The following NFATC1 variants were observed in gnomAD, a reference collection of about 807,000 sequenced individuals.
NFATC1 encodes the protein nuclear factor of activated T cells 1, also known as nuclear factor of activated T-cells, cytoplasmic 1.
Under a neutral mutation model 76.0 loss-of-function variants are expected in NFATC1, and 22 were observed. The observed-to-expected ratio is 0.29, with a 90% confidence interval of 0.21 to 0.41. The LOEUF (loss-of-function observed/expected upper bound fraction) is 0.41. Ranked by LOEUF, NFATC1 falls within the 10% of genes least tolerant of loss-of-function variation. NFATC1 has a pLI of 1.00. For missense variants in NFATC1, 1,357 were observed against 1,337.7 expected (o/e 1.01, Z -0.23); for synonymous variants, 704 against 613.1 (o/e 1.15, Z -2.19).
At chr18:79,523,227 C>T (rs921555715) in intron 9 of NFATC1, among the ~76,000 whole-genome samples, 1 of 152,228 alleles carries the variant, frequency 6.6e-6, no homozygotes, top group African/African-American at 2.4e-5. Context: ...AGAAACCGGG[C>T]ATTCAGAAAT....
At chr18:79,493,736 C>G (rs2089772353) in intron 9 of NFATC1, 1 of 152,260 alleles carries the variant, frequency 6.6e-6, no homozygotes, top group Admixed American at 6.5e-5. Context: ...AGCCTGTGTG[C>G]CGCCATCCAA....
At position 79,529,239 on chromosome 18, in the gene NFATC1, C is replaced by CATTGA. The variant is rs2090842757; in HGVS notation, c.*1664_*1668dup. 1 of 152,218 alleles carries CATTGA rather than the reference C, an allele frequency of 6.6e-6. No homozygotes were observed. The highest frequency in any genetic ancestry group is 2.1e-4 in the South Asian group (1 of 4,828). 9.4% of individuals were successfully genotyped at this position (152,218 alleles called of 1,614,324 possible). ...CGTGCAGCCTTTCTCAGGGGACTGT[C>CATTGA]ATTGAAAAGGAAACGTTTGATGTCT... On this transcript the variant is annotated 3_prime_UTR_variant, in exon 10 of 10. Coordinates refer to ENST00000427363, the MANE Select transcript of NFATC1 (RefSeq NM_001278669.2).
chr18:79,431,964 G>T (rs1443079297), intron 2 of NFATC1, among the ~76,000 whole-genome samples: 1 of 152,240 alleles, frequency 6.6e-6, no homozygotes, highest in African/African-American at 2.4e-5. Flanking sequence ...GCCTCCCCGA[G>T]TGCTGGGGTT....
chr18:79,509,623 A>T (rs1441362748), intron 9 of NFATC1, among the ~76,000 whole-genome samples: 2 of 152,252 alleles, frequency 1.3e-5, no homozygotes, highest in African/African-American at 4.8e-5. Flanking sequence ...AGTTTTGACC[A>T]CTTTGATTAG....
intron 3 of NFATC1, 169 bp from the exon 4 acceptor site, chr18:79,448,613 T>A: frequency 1.5e-6 from 1 of 680,962 alleles, no homozygotes; most frequent in Non-Finnish European, 2.5e-6. Flanking sequence ...AACAAGGCAT[T>A]TTCTAATCTG....
At chr18:79,469,738 G>A (rs78536295) in intron 8 of NFATC1, 147,483 of 985,584 alleles carry the variant, frequency 0.15, 12,079 homozygotes, top group Non-Finnish European at 0.16. Flanking sequence ...CTTTGCCTCC[G>A]TCGTCTCTTC....
At chr18:79,449,102 CTT>C (rs1266866480) in intron 4 of NFATC1, 118 bp downstream of exon 4, 17 of 983,722 alleles carry the variant, frequency 1.7e-5, no homozygotes, top group Non-Finnish European at 1.8e-5. Context: ...GGCCAGGACA[CTT>C]TTGGTTTAAC....
intron 3 of NFATC1, among the ~76,000 whole-genome samples, chr18:79,437,469 G>A (rs1012268524): frequency 4.8e-5 from 7 of 144,484 alleles, no homozygotes; most frequent in African/African-American, 1.3e-4. Context: ...TTCTCGGTGG[G>A]CCGGTCTGGA....
chr18:79,401,267 C>T (rs893720573), intron 1 of NFATC1, among the ~76,000 whole-genome samples: 1 of 151,920 alleles, frequency 6.6e-6, no homozygotes, highest in Non-Finnish European at 1.5e-5. Flanking sequence ...CCTCCCCGCG[C>T]GGAGGTGAAG....
At chr18:79,460,000 A>C (rs1369304850) in intron 6 of NFATC1, among the ~76,000 whole-genome samples, 1 of 152,136 alleles carries the variant, frequency 6.6e-6, no homozygotes, top group Admixed American at 6.5e-5. Flanking sequence ...AGCGCAACTG[A>C]GTGTACTTTT....
intron 1 of NFATC1, among the ~76,000 whole-genome samples, chr18:79,403,183 A>C (rs1359717553): frequency 6.6e-6 from 1 of 152,194 alleles, no homozygotes; most frequent in African/African-American, 2.4e-5. Context: ...CACCCCTTCC[A>C]TCTCGCTGGA....
At position 79,409,903 on chromosome 18, in the gene NFATC1, G is replaced by A. The variant is rs557694425; in HGVS notation, c.128-500G>A. Among the ~76,000 whole-genome samples, 14 of 152,350 alleles carry A rather than the reference G, an allele frequency of 9.2e-5. No individual in the cohort carries two copies. The South Asian group carries it at 1.2e-3, about 14-fold the overall frequency. ...AAAACAGGCTGTTAGATTGTGATACGTATTTAGGAGAAAAAATAAACTAGA... is the reference window on the plus strand; with the variant it reads ...AAAACAGGCTGTTAGATTGTGATACATATTTAGGAGAAAAAATAAACTAGA... On this transcript the variant is annotated intron_variant, in intron 1 of 9. Transcript: ENST00000427363.
intron 6 of NFATC1, among the ~76,000 whole-genome samples, chr18:79,458,548 G>A (rs933059808): frequency 2.6e-5 from 4 of 152,228 alleles, no homozygotes; most frequent in Non-Finnish European, 4.4e-5. Context: ...GAAACCTCGC[G>A]GGTGTGGCAG....
rs1215551223 is a variant in NFATC1, at chr18:79,513,038, T to C, written c.2783-14490T>C. The stretch of plus-strand genomic sequence containing the variant: ...TTCGCTAGAGACGCAGGGAGTTGTA[T>C]CTGCCATGTTTTTAAAGAGCGCTTT... On this transcript the variant is annotated intron_variant, in intron 9 of 9. Coordinates refer to ENST00000427363, the MANE Select transcript of NFATC1 (RefSeq NM_001278669.2). Among the ~76,000 whole-genome samples the C allele has an allele frequency of 4.6e-5, 7 of 152,216 alleles. No individual in the cohort carries two copies. The South Asian group carries it at 1.4e-3, about 31-fold the overall frequency.
At chr18:79,485,475 C>T (rs2089466200) in intron 8 of NFATC1, among the ~76,000 whole-genome samples, 1 of 152,264 alleles carries the variant, frequency 6.6e-6, no homozygotes, top group Non-Finnish European at 1.5e-5. Flanking sequence ...TTCCCAACAC[C>T]CCCACAGAAG....
chr18:79,464,648 T>TTCTGTGTGTG (rs1555911903), intron 7 of NFATC1, among the ~76,000 whole-genome samples: 11,893 of 131,020 alleles, frequency 0.091, 1,211 homozygotes, highest in East Asian at 0.22. Context: ...ATATATGTGT[T>TTCTGTGTGTG]TGTGTGTGTG....
At chr18:79,430,124 G>A (rs1403942141) in intron 2 of NFATC1, among the ~76,000 whole-genome samples, 3 of 152,214 alleles carry the variant, frequency 2.0e-5, no homozygotes, top group African/African-American at 4.8e-5. Flanking sequence ...CTAAGGACGC[G>A]TTTTTCAGAA....
chr18:79,470,421 C>T (rs1447457305), intron 8 of NFATC1: 6 of 152,232 alleles, frequency 3.9e-5, no homozygotes, highest in African/African-American at 1.2e-4. Context: ...TGAAATGTGC[C>T]GTTGAAATGC....
intron 3 of NFATC1, among the ~76,000 whole-genome samples, chr18:79,439,499 T>C (rs900571532): frequency 1.6e-4 from 24 of 152,266 alleles, no homozygotes; most frequent in African/African-American, 5.1e-4. Context: ...TTTATGAGTC[T>C]GCCTTGGAAC....
Sources: gnomAD v4.1 joint callset for allele counts (sites outside exome capture counted in the v4.1 genomes callset) on GRCh38, gnomAD v4.1.1 for gene constraint, MANE v1.5 for transcripts, NCBI Gene and HGNC (gene_info 2026-07-23, HGNC 2026-07-21) for gene names.